Variants in IGSF9B observed in about 807,000 individuals in gnomAD.
IGSF9B encodes immunoglobulin superfamily member 9B.
IGSF9B carries 48 observed loss-of-function variants against 143.7 expected under a neutral mutation model. The observed-to-expected ratio is 0.33, with a 90% CI of 0.26 to 0.42. The LOEUF (loss-of-function observed/expected upper bound fraction) is 0.42. Ranked by LOEUF, IGSF9B falls within the 20% of genes least tolerant of loss-of-function variation. The pLI, the probability that IGSF9B is intolerant of heterozygous loss-of-function variation, is 1.00. For missense variants in IGSF9B, 1,706 were observed against 1,980.0 expected, an observed-to-expected ratio of 0.86 and a Z score of 2.63; for synonymous variants, 903 against 833.1, an observed-to-expected ratio of 1.08 and a Z score of -1.44.
rs190198658 is a variant in IGSF9B, at chr11:133,945,476, A to G, written c.262+585T>C. 1.2e-4 allele frequency among the ~76,000 whole-genome samples: 18 copies of G among 152,266 alleles called. No homozygotes were observed. In the East Asian group the frequency reaches 2.7e-3, roughly 23 times the overall value. ...CTCAATGACACGCACACGCACGCAC[A>G]CACACACCCACGCCCTCCTCTCCCG... On this transcript the variant is annotated intron_variant, in intron 2 of 19. Transcript: ENST00000533871. This position sits in a 1 kb window ranked among gnomAD's most constrained non-coding sequence, Gnocchi z 4.6.
chr11:133,921,218 T>C lies in IGSF9B; in HGVS notation c.2507A>G (p.Lys836Arg). ...AISSKKYSVA[K>R]AEAEAEATTP... is the part of the protein sequence containing the mutation. ...GGTGGCCTCTGCCTCGGCCTCTGCC[T>C]TGGCCACGCTGTACTTCTTGCTGCT... is the stretch of plus-strand genomic sequence containing the variant. Residue 836 changes from lysine (K) to arginine (R), a missense_variant, in exon 18 of 20, where the codon AAG becomes AGG. By Grantham distance (26) the Lys-to-Arg change is conservative. Transcript: ENST00000533871. 1 of 1,609,960 alleles carries C rather than the reference T, an allele frequency of 6.2e-7. No homozygotes were observed. The highest frequency in any genetic ancestry group is 8.5e-7 in the Non-Finnish European group (1 of 1,178,334).
chr11:133,918,058 G>A (rs1266962171), intron 18 of IGSF9B, among the ~76,000 whole-genome samples: 1 of 151,540 alleles, frequency 6.6e-6, no homozygotes. Context: ...GGGGGTGGGG[G>A]GCAGAAGCTG....
In IGSF9B at chr11:133,932,299, GGACA is replaced by G. The variant is rs899114961; in HGVS notation, c.968-90_968-87del. 1.9e-5 allele frequency: 27 copies of G among 1,406,090 alleles called. No individual in the cohort carries two copies. In the African/African-American group the frequency reaches 2.6e-4, roughly 13 times the overall value. 87.1% of individuals were successfully genotyped at this position (1,406,090 alleles called of 1,614,324 possible). On this transcript the variant is annotated intron_variant, in intron 7 of 19. Transcript: ENST00000533871. Reference sequence around the variant, plus strand: ...CACAGGGACAGACAGACAGACACAGGGACAGACAGACACAGGGAAGCCAGGTGGG... The same window carrying G: ...CACAGGGACAGACAGACAGACACAGGGACAGACACAGGGAAGCCAGGTGGG...
rs974363126 is a variant in IGSF9B, at chr11:133,902,700, C to G, written c.*6369G>C. On this transcript the variant is annotated 3_prime_UTR_variant, in exon 20 of 20. Coordinates refer to ENST00000533871, the MANE Select transcript of IGSF9B (RefSeq NM_001277285.4). ...AGAAGGACACATGAGACAATCCCTT[C>G]TCCAGCCCTGCCAGGACACCGTCGG... Among the ~76,000 whole-genome samples, 5 of 152,212 alleles carry G rather than the reference C, an allele frequency of 3.3e-5. No homozygotes were observed. Among genetic ancestry groups the G allele is most frequent in the African/African-American group, 1.2e-4 (5 of 41,454 alleles).
chr11:133,926,204 A>G (rs1418330177), intron 13 of IGSF9B, among the ~76,000 whole-genome samples: 1 of 152,224 alleles, frequency 6.6e-6, no homozygotes, highest in African/African-American at 2.4e-5. Context: ...ATGTCATCAA[A>G]GTATCTCCTG....
chr11:133,913,564 G>T lies in IGSF9B; in HGVS notation c.3984-1557C>A, dbSNP rs919877203. On this transcript the variant is annotated intron_variant, in intron 18 of 19. Transcript: ENST00000533871. This position sits in a 1 kb window ranked among gnomAD's most constrained non-coding sequence, Gnocchi z 4.6. ...AGGCTCCCTCAAAGTTCAGGTCACG[G>T]TCAACCTCTTGACTTTCCATAGCCC... is the stretch of plus-strand genomic sequence containing the variant. Among the ~76,000 whole-genome samples, 5 of 152,174 alleles carry T rather than the reference G, an allele frequency of 3.3e-5. No individual in the cohort carries two copies. The highest frequency in any genetic ancestry group is 1.2e-4 in the African/African-American group (5 of 41,440).
intron 1 of IGSF9B, among the ~76,000 whole-genome samples, chr11:133,956,473 C>G (rs1940255550): frequency 6.6e-6 from 1 of 151,944 alleles, no homozygotes; most frequent in South Asian, 2.1e-4. Flanking sequence ...TGGGCTCTGG[C>G]CCCTTCCCGC....
intron 18 of IGSF9B, among the ~76,000 whole-genome samples, chr11:133,918,838 G>A (rs1939446950): frequency 6.6e-6 from 1 of 151,768 alleles, no homozygotes; most frequent in South Asian, 2.1e-4. Context: ...CGGGGGACGG[G>A]GTATCCGGGG....
At position 133,902,276 on chromosome 11, in the gene IGSF9B, A is replaced by G. The variant is rs1246286800; in HGVS notation, c.*6793T>C. Among the ~76,000 whole-genome samples, 1 of 147,574 alleles carries G rather than the reference A, an allele frequency of 6.8e-6. No individual in the cohort carries two copies. Among genetic ancestry groups the G allele is most frequent in the Non-Finnish European group, 1.5e-5 (1 of 66,892 alleles). ...ACCACACACACTGCATCACACACAC[A>G]CACACCAGACACATCACACATACAC... On this transcript the variant is annotated 3_prime_UTR_variant, in exon 20 of 20. Coordinates refer to ENST00000533871, the MANE Select transcript of IGSF9B (RefSeq NM_001277285.4).
intron 1 of IGSF9B, among the ~76,000 whole-genome samples, chr11:133,950,992 G>C (rs1020625708): frequency 6.6e-6 from 1 of 152,076 alleles, no homozygotes; most frequent in East Asian, 1.9e-4. Context: ...TCCCTGCTGA[G>C]TCCAAAAAAG....
At chr11:133,955,395 G>A (rs1470839937) in intron 1 of IGSF9B, among the ~76,000 whole-genome samples, 1 of 152,216 alleles carries the variant, frequency 6.6e-6, no homozygotes, top group East Asian at 1.9e-4. Flanking sequence ...ACCCCCCTCA[G>A]AAGCAGAGGC....
chr11:133,955,902 C>T (rs1940243185), intron 1 of IGSF9B, among the ~76,000 whole-genome samples: 1 of 151,026 alleles, frequency 6.6e-6, no homozygotes, highest in Non-Finnish European at 1.5e-5. Context: ...CCGCCCCTCC[C>T]CTCCCCCGCC....
intron 18 of IGSF9B, among the ~76,000 whole-genome samples, chr11:133,919,491 G>A (rs1939465699): frequency 6.6e-6 from 1 of 152,202 alleles, no homozygotes; most frequent in Non-Finnish European, 1.5e-5. Flanking sequence ...TGCGCCCGCC[G>A]AGAGCTCAGG....
intron 1 of IGSF9B, among the ~76,000 whole-genome samples, chr11:133,947,728 C>CTCTCTCTCTG (rs566505053): frequency 1.3e-5 from 2 of 151,592 alleles, no homozygotes; most frequent in Non-Finnish European, 2.9e-5. Flanking sequence ...CTCTCTCTCT[C>CTCTCTCTCTG]TCTCTCTCTC....
chr11:133,910,809 T>C (rs1198565164), intron 19 of IGSF9B, among the ~76,000 whole-genome samples: 2 of 152,278 alleles, frequency 1.3e-5, no homozygotes, highest in Non-Finnish European at 2.9e-5. Context: ...AAGAAATATA[T>C]GTTATACATA....
At chr11:133,922,895 G>A (rs750054246) in intron 15 of IGSF9B, among the ~76,000 whole-genome samples, 165 bp from the exon 16 acceptor site, 2 of 152,238 alleles carry the variant, frequency 1.3e-5, no homozygotes, top group East Asian at 1.9e-4. Flanking sequence ...ATGGCGTCAC[G>A]AAGAGGAAGA....
chr11:133,943,643 A>G (rs953428124), intron 3 of IGSF9B, among the ~76,000 whole-genome samples: 3 of 152,216 alleles, frequency 2.0e-5, no homozygotes, highest in African/African-American at 7.2e-5. Flanking sequence ...GACGCTTCCC[A>G]GGATGCCTGC....
rs1170199001 is a variant in IGSF9B at position 133,936,047 on chromosome 11, G to A, written c.821+6C>T. On this transcript the variant is annotated splice_donor_region_variant and intron_variant, in intron 6 of 19. Transcript: ENST00000533871. Reference sequence around the variant, plus strand: ...CCTCATTGAAAAGTCAGAGCAGGGTGCTCACTTCTGAAAGTAGACGTTCTC... The same window carrying A: ...CCTCATTGAAAAGTCAGAGCAGGGTACTCACTTCTGAAAGTAGACGTTCTC... 5 of 1,612,998 alleles carry A rather than the reference G, an allele frequency of 3.1e-6. No individual in the cohort carries two copies. Among genetic ancestry groups the A allele is most frequent in the Middle Eastern group, 1.6e-4 (1 of 6,076 alleles).
rs754718181 is a variant in IGSF9B at position 133,920,601 on chromosome 11, G to C, written c.3124C>G (p.Arg1042Gly). The change falls in exon 18 of 20, where the codon CGG becomes GGG. Residue 1042 changes from arginine to glycine, a missense_variant. By Grantham distance (125) the Arg-to-Gly change is moderately radical. Around this residue, in one of 7 missense-constraint regions of IGSF9B, gnomAD observed 880 missense variants for 762.9 expected, o/e 1.15. Coordinates refer to ENST00000533871, the MANE Select transcript of IGSF9B (RefSeq NM_001277285.4). Reference sequence around the variant, plus strand: ...AGCCCCCCGAAGGGGAATTCTGGCCGGCCCCAGGGCTCAGGGGAGCGCCCT... The same window carrying C: ...AGCCCCCCGAAGGGGAATTCTGGCCCGCCCCAGGGCTCAGGGGAGCGCCCT... Reference protein sequence around the residue: ...TGGRSPEPWGRPEFPFGGLET... With the variant: ...TGGRSPEPWGGPEFPFGGLET... The C allele has an allele frequency of 3.1e-6, 5 of 1,613,366 alleles. No homozygotes were observed. Among genetic ancestry groups the C allele is most frequent in the Admixed American group, 1.7e-5 (1 of 59,998 alleles).
Sources: allele counts gnomAD v4.1 joint callset (sites outside exome capture counted in the v4.1 genomes callset), GRCh38; gene constraint gnomAD v4.1.1; regional missense constraint gnomAD v4.1.1; non-coding constraint Gnocchi (gnomAD v3.1); transcripts MANE v1.5; gene names NCBI Gene and HGNC (gene_info 2026-07-23, HGNC 2026-07-21).